Variants in STPG2 observed in about 807,000 individuals in gnomAD.
STPG2 encodes sperm tail PG-rich repeat containing 2.
In STPG2, 56 loss-of-function variants were observed where a neutral mutation model predicts 54.2. The observed-to-expected ratio is 1.03, with a 90% confidence interval of 0.83 to 1.29. STPG2 has a LOEUF of 1.29. Ranked by LOEUF, STPG2 falls within the 50% of genes most tolerant of loss-of-function variation. The probability of loss-of-function intolerance (pLI) is 0.00; values close to 1 mark genes in which losing one functional copy is unlikely to be tolerated. For missense variants in STPG2, 596 were observed against 544.9 expected (o/e 1.09, Z -0.93); for synonymous variants, 200 against 181.8 (o/e 1.10, Z -0.81).
chr4:97,535,138 G>C (rs1008423742), intron 4 of STPG2, among the ~76,000 whole-genome samples: 2 of 152,044 alleles, frequency 1.3e-5, no homozygotes, highest in Admixed American at 1.3e-4. Flanking sequence ...TTTCATTTGG[G>C]CAAATACTTA....
chr4:98,120,354 C>T (rs905186756), intron 3 of STPG2, among the ~76,000 whole-genome samples: 2 of 152,110 alleles, frequency 1.3e-5, no homozygotes, highest in African/African-American at 4.8e-5. Context: ...GCAGGGATTA[C>T]AGGCATGAGC....
intron 10 of STPG2, among the ~76,000 whole-genome samples, chr4:97,604,400 G>A (rs1733541297): frequency 6.6e-6 from 1 of 151,742 alleles, no homozygotes; most frequent in African/African-American, 2.4e-5. Flanking sequence ...AAGAGATGTA[G>A]TGGCACCAAC....
intron 8 of STPG2, among the ~76,000 whole-genome samples, chr4:97,934,470 C>G (rs1202441236): frequency 3.3e-5 from 5 of 152,070 alleles, no homozygotes; most frequent in Non-Finnish European, 5.9e-5. Flanking sequence ...CAGCTTTTTC[C>G]CACTCAGTAT....
In STPG2 at chr4:97,928,879, A is replaced by AT. The variant is rs560575009; in HGVS notation, c.1044+15017dup. ...AGTTGATTTAAAATAAACCAATTTTATTTTTTTTAACTGTTATTTTAGGTT... is the reference window on the plus strand; with the variant it reads ...AGTTGATTTAAAATAAACCAATTTTATTTTTTTTTAACTGTTATTTTAGGTT... On this transcript the variant is annotated intron_variant, in intron 8 of 10. Coordinates refer to ENST00000295268, the MANE Select transcript of STPG2 (RefSeq NM_174952.3). Among the ~76,000 whole-genome samples, 143 of 151,894 alleles carry AT rather than the reference A, an allele frequency of 9.4e-4. 1 individual carries two copies. Among genetic ancestry groups the AT allele is most frequent in the Non-Finnish European group, 1.8e-3 (124 of 67,864 alleles).
chr4:97,816,347 G>T (rs1727910275), intron 9 of STPG2, among the ~76,000 whole-genome samples: 1 of 152,114 alleles, frequency 6.6e-6, no homozygotes, highest in Non-Finnish European at 1.5e-5. Flanking sequence ...ACATACATGT[G>T]CATGTGTCTT....
intron 7 of STPG2, among the ~76,000 whole-genome samples, chr4:97,944,736 A>G (rs762024407): frequency 5.3e-5 from 8 of 152,160 alleles, no homozygotes; most frequent in Non-Finnish European, 8.8e-5. Flanking sequence ...CATAGTAGCT[A>G]ATAGACATAT....
chr4:97,867,925 T>C (rs549870154), intron 8 of STPG2, among the ~76,000 whole-genome samples: 14 of 152,100 alleles, frequency 9.2e-5, no homozygotes, highest in Non-Finnish European at 1.9e-4. Context: ...TGCCAAGCAA[T>C]GCAGTGTCTG....
chr4:97,561,763 T>C (rs1221545067), intron 10 of STPG2, among the ~76,000 whole-genome samples: 1 of 152,188 alleles, frequency 6.6e-6, no homozygotes, highest in Non-Finnish European at 1.5e-5. Flanking sequence ...ATATGCAGCG[T>C]TATTTCTGGG....
chr4:97,852,972 T>C (rs1309236164), intron 8 of STPG2, among the ~76,000 whole-genome samples: 4 of 116,978 alleles, frequency 3.4e-5, no homozygotes, highest in Non-Finnish European at 7.2e-5. Flanking sequence ...ATTTTCTTTT[T>C]TTTTTTTTTT....
intron 9 of STPG2, among the ~76,000 whole-genome samples, chr4:97,724,406 G>A (rs914724743): frequency 1.3e-5 from 2 of 152,042 alleles, no homozygotes; most frequent in African/African-American, 4.8e-5. Context: ...CACTATCTAT[G>A]TCTATTATTA....
chr4:97,873,806 TA>T (rs1730077864), intron 8 of STPG2, among the ~76,000 whole-genome samples: 1 of 151,620 alleles, frequency 6.6e-6, no homozygotes, highest in Non-Finnish European at 1.5e-5. Flanking sequence ...TTCTAATTAG[TA>T]ACTTAACACA....
At chr4:98,113,510 T>C (rs1739420153) in intron 3 of STPG2, among the ~76,000 whole-genome samples, 1 of 152,074 alleles carries the variant, frequency 6.6e-6, no homozygotes, top group South Asian at 2.1e-4. Flanking sequence ...TTTCCAGCAC[T>C]GTACGTGGTC....
intron 5 of STPG2, among the ~76,000 whole-genome samples, chr4:98,104,401 T>C (rs1578856779): frequency 6.6e-6 from 1 of 152,212 alleles, no homozygotes; most frequent in East Asian, 1.9e-4. Flanking sequence ...TTTTAACCAG[T>C]TCATTCAGTT....
Position 98,012,387 on chromosome 4 carries a change from G to A in STPG2, c.613-31069C>T, listed in dbSNP as rs111604534. Among the ~76,000 whole-genome samples the A allele has an allele frequency of 5.2e-3, 790 of 152,268 alleles. 4 individuals carry two copies. Among genetic ancestry groups the A allele is most frequent in the Middle Eastern group, 0.02 (6 of 294 alleles). ...ATAGTGTGAAGTCAAGTAGCATGAT[G>A]CCTCCAGCTTTGTTCTTTTTGCTTA... On this transcript the variant is annotated intron_variant, in intron 5 of 10. Coordinates refer to ENST00000295268, the MANE Select transcript of STPG2 (RefSeq NM_174952.3).
intron 4 of STPG2, among the ~76,000 whole-genome samples, chr4:97,497,015 T>C (rs1730626018): frequency 6.6e-6 from 1 of 150,510 alleles, no homozygotes; most frequent in Non-Finnish European, 1.5e-5. Context: ...AAAAGCAGAG[T>C]TCCTGTGAGC....
At chr4:98,114,771 G>T (rs892554025) in intron 3 of STPG2, among the ~76,000 whole-genome samples, 11 of 150,572 alleles carry the variant, frequency 7.3e-5, no homozygotes, top group African/African-American at 2.2e-4. Flanking sequence ...TTTTTTGTGT[G>T]TGTGTGTGTG....
intron 4 of STPG2, among the ~76,000 whole-genome samples, chr4:97,530,172 C>A (rs370580884): frequency 7.2e-5 from 11 of 152,116 alleles, no homozygotes; most frequent in East Asian, 3.9e-4. Context: ...GATTTAGGGA[C>A]CTAGACTGCT....
chr4:97,913,769 T>C (rs148153470), intron 8 of STPG2, among the ~76,000 whole-genome samples: 230 of 152,238 alleles, frequency 1.5e-3, no homozygotes, highest in Middle Eastern at 0.01. Context: ...TTCTAGTGCA[T>C]ACATAAACCC....
intron 8 of STPG2, among the ~76,000 whole-genome samples, chr4:97,895,285 G>A (rs750038649): frequency 5.9e-5 from 9 of 151,726 alleles, no homozygotes; most frequent in Non-Finnish European, 1.2e-4. Flanking sequence ...AAACAAAAAG[G>A]CAATCTCTGT....
Sources: gnomAD v4.1 joint callset for allele counts (sites outside exome capture counted in the v4.1 genomes callset) on GRCh38, gnomAD v4.1.1 for gene constraint, MANE v1.5 for transcripts, NCBI Gene and HGNC (gene_info 2026-07-23, HGNC 2026-07-21) for gene names.